Variants in FGF13 observed in about 807,000 individuals in gnomAD.
FGF13 encodes fibroblast growth factor 13, also known as fibroblast growth factor homologous factor 2.
Under a neutral mutation model 19.5 loss-of-function variants are expected in FGF13, and 2 were observed. The observed-to-expected ratio is 0.10, with a 90% CI of 0.04 to 0.32. FGF13 has a LOEUF of 0.32. Ranked by LOEUF, FGF13 falls within the 10% of genes least tolerant of loss-of-function variation. FGF13 has a pLI of 1.00. For synonymous variants in FGF13, 72 were observed against 76.9 expected (o/e 0.94, Z 0.33); for missense variants, 113 against 192.7 (o/e 0.59, Z 2.45).
At position 138,803,904 on chromosome X, in the gene FGF13, A is replaced by G. The variant is rs745487899; in HGVS notation, c.217+53608T>C. Among the ~76,000 whole-genome samples, 41 of 112,292 alleles carry G rather than the reference A, an allele frequency of 3.7e-4. 1 individual carries two copies. In the East Asian group the frequency reaches 0.012, roughly 32 times the overall value. On this transcript the variant is annotated intron_variant, in intron 3 of 6. Coordinates refer to the FGF13 transcript ENST00000436198. ...TTTGTGGTGACATTTCTTCCTGTGA[A>G]GCAGAGTTGGTCTTTTGATTTGATG...
chrX:138,985,038 G>C (rs755229857), intron 1 of FGF13: 2 of 369,935 alleles, frequency 5.4e-6, no homozygotes, highest in Non-Finnish European at 1.1e-5. Flanking sequence ...GCTTCCTCCT[G>C]AAGAACTCAA....
At chrX:139,038,179 C>G (rs2092256857) in intron 1 of FGF13, among the ~76,000 whole-genome samples, 2 of 111,412 alleles carry the variant, frequency 1.8e-5, no homozygotes, top group South Asian at 7.6e-4. Flanking sequence ...AGCTCTGTAA[C>G]CACCCCCACT....
At chrX:138,978,605 AATG>A (rs368654179) in intron 1 of FGF13, among the ~76,000 whole-genome samples, 161 of 112,476 alleles carry the variant, frequency 1.4e-3, no homozygotes, top group African/African-American at 4.7e-3. Context: ...TTCAATCAAC[AATG>A]ATGATAACAA....
At chrX:138,925,785 C>G (rs1407821957) in intron 1 of FGF13, among the ~76,000 whole-genome samples, 2 of 112,115 alleles carry the variant, frequency 1.8e-5, no homozygotes, top group East Asian at 5.6e-4. Context: ...ATAATTCCCT[C>G]TTGCTCTGGT....
chrX:138,959,322 T>C (rs1261994192), intron 1 of FGF13, among the ~76,000 whole-genome samples: 1 of 111,941 alleles, frequency 8.9e-6, no homozygotes, highest in Non-Finnish European at 1.9e-5. Flanking sequence ...TCCACGTAGT[T>C]GTGCGGTTTT....
intron 1 of FGF13, among the ~76,000 whole-genome samples, chrX:138,975,693 A>G (rs2091936972): frequency 8.9e-6 from 1 of 111,812 alleles, no homozygotes; most frequent in Admixed American, 9.5e-5. Flanking sequence ...TGTGAGCAAA[A>G]GATGGCAAAA....
At chrX:138,741,260 C>G (rs746967890), upstream of FGF13, among the ~76,000 whole-genome samples, 57 of 111,858 alleles carry the variant, frequency 5.1e-4, 1 homozygote, top group East Asian at 0.016. Context: ...TCAAGAGACT[C>G]AGTCTTTCAG....
chrX:139,204,188 G>C, upstream of FGF13: 1 of 958,876 alleles, frequency 1.0e-6, no homozygotes, highest in Non-Finnish European at 1.5e-6. Context: ...AGTGCTTAGG[G>C]CGGCAAGTCT....
intron 1 of FGF13, among the ~76,000 whole-genome samples, chrX:138,946,347 C>T (rs1458635455): frequency 1.8e-5 from 2 of 111,731 alleles, no homozygotes; most frequent in Non-Finnish European, 3.8e-5. Flanking sequence ...AATTGACATC[C>T]CACTGGACAT....
chrX:138,840,788 G>A (rs758280740), intron 3 of FGF13, among the ~76,000 whole-genome samples: 18 of 111,700 alleles, frequency 1.6e-4, no homozygotes, highest in Non-Finnish European at 3.2e-4. Flanking sequence ...TACCAACCAA[G>A]CATTTTCTCT....
chrX:138,872,926 A>G (rs781737373), intron 1 of FGF13, among the ~76,000 whole-genome samples: 1 of 111,738 alleles, frequency 8.9e-6, no homozygotes, highest in Non-Finnish European at 1.9e-5. Flanking sequence ...ACAAGGGTCT[A>G]CTGTCACTCA....
Position 138,656,798 on chromosome X carries a change from C to T in FGF13, c.403-21143G>A, listed in dbSNP as rs1022060271. Among the ~76,000 whole-genome samples, 3 of 111,669 alleles carry T rather than the reference C, an allele frequency of 2.7e-5. No homozygotes were observed. In the Admixed American group the frequency reaches 2.9e-4, roughly 11 times the overall value. ...AGGTAGGTACTACTAAAGTGTGAAACAAATGGCAGGCAGACTCCTCCTCAA... is the reference window on the plus strand; with the variant it reads ...AGGTAGGTACTACTAAAGTGTGAAATAAATGGCAGGCAGACTCCTCCTCAA... On this transcript the variant is annotated intron_variant, in intron 3 of 4. Coordinates refer to ENST00000315930, the MANE Select transcript of FGF13 (RefSeq NM_004114.5).
chrX:138,991,705 A>G (rs780874036), intron 1 of FGF13, among the ~76,000 whole-genome samples: 2 of 112,151 alleles, frequency 1.8e-5, no homozygotes, highest in South Asian at 7.5e-4. Flanking sequence ...TCAATAAGGG[A>G]AAGTTTGGGA....
rs1399060213 is a variant in FGF13 at position 138,901,028 on chromosome X, C to A, written c.-112-36378G>T. On this transcript the variant is annotated intron_variant, in intron 1 of 2. Transcript: ENST00000421460. ...TCTCCAATTATTCCCTGTCCACTCA[C>A]CTTGCTGTGTTTCTTTAGAACATTG... Among the ~76,000 whole-genome samples, 3 of 111,896 alleles carry A rather than the reference C, an allele frequency of 2.7e-5. No homozygotes were observed. The Admixed American group carries it at 2.9e-4, about 11-fold the overall frequency.
At chrX:138,911,272 CTG>C (rs1018942762) in intron 1 of FGF13, among the ~76,000 whole-genome samples, 1 of 111,564 alleles carries the variant, frequency 9.0e-6, no homozygotes, top group African/African-American at 3.3e-5. Flanking sequence ...TGGTCAAATC[CTG>C]TGTGTTTTTC....
chrX:139,098,621 T>A (rs2083486512), intron 1 of FGF13, among the ~76,000 whole-genome samples: 1 of 111,395 alleles, frequency 9.0e-6, no homozygotes, highest in East Asian at 2.8e-4. Flanking sequence ...CTAAGCAAAT[T>A]AATGTCCAAA....
chrX:138,815,160 G>A (rs1230403560), intron 3 of FGF13, among the ~76,000 whole-genome samples: 1 of 110,781 alleles, frequency 9.0e-6, no homozygotes, highest in African/African-American at 3.3e-5. Context: ...GAAGCAGAGA[G>A]TAGAATGCTG....
At chrX:138,802,289 A>C (rs751333931) in intron 3 of FGF13, among the ~76,000 whole-genome samples, 2 of 111,843 alleles carry the variant, frequency 1.8e-5, no homozygotes, top group South Asian at 7.7e-4. Flanking sequence ...CCATGGGAAA[A>C]GCATAGTATG....
intron 1 of FGF13, among the ~76,000 whole-genome samples, chrX:139,095,705 C>T (rs1213268236): frequency 2.1e-4 from 24 of 112,012 alleles, no homozygotes. Flanking sequence ...ACTTGGAATA[C>T]AGTAGATACT....
Sources: allele counts gnomAD v4.1 joint callset (sites outside exome capture counted in the v4.1 genomes callset), GRCh38; gene constraint gnomAD v4.1.1; transcripts MANE v1.5; gene names NCBI Gene and HGNC (gene_info 2026-07-23, HGNC 2026-07-21).